The following RORA variants were observed in gnomAD, a reference collection of about 807,000 sequenced individuals.
RORA encodes RAR related orphan receptor A.
Under a neutral mutation model 69.5 loss-of-function variants are expected in RORA, and 7 were observed. The observed-to-expected ratio is 0.10, with a 90% CI of 0.06 to 0.19. The LOEUF (loss-of-function observed/expected upper bound fraction) is 0.19. RORA is among the 10% of genes least tolerant of loss of function. The probability of loss-of-function intolerance (pLI) is 1.00; values close to 1 mark genes in which losing one functional copy is unlikely to be tolerated. For synonymous variants in RORA, 261 were observed against 240.8 expected (o/e 1.08, Z -0.78); for missense variants, 457 against 663.0 (o/e 0.69, Z 3.41).
At chr15:60,751,610 G>C (rs2071724522) in intron 1 of RORA, among the ~76,000 whole-genome samples, 1 of 152,076 alleles carries the variant, frequency 6.6e-6, no homozygotes, top group African/African-American at 2.4e-5. Context: ...GTAGTGCTGG[G>C]GCCCAGATCC....
At chr15:60,888,839 T>C (rs954829684) in intron 1 of RORA, among the ~76,000 whole-genome samples, 3 of 141,400 alleles carry the variant, frequency 2.1e-5, no homozygotes, top group Admixed American at 7.4e-5. Flanking sequence ...GCAGGCCTCC[T>C]GCCCAGAGAG....
At chr15:61,043,578 G>C (rs1209720872) in intron 1 of RORA, among the ~76,000 whole-genome samples, 2 of 152,090 alleles carry the variant, frequency 1.3e-5, no homozygotes, top group Non-Finnish European at 2.9e-5. Context: ...TCAGACATTG[G>C]AGCTAATTCC....
intron 1 of RORA, among the ~76,000 whole-genome samples, chr15:60,940,602 C>A (rs1162949382): frequency 6.6e-6 from 1 of 152,050 alleles, no homozygotes; most frequent in Non-Finnish European, 1.5e-5. Context: ...TAAACAATAA[C>A]CAAAATTCAT....
chr15:61,190,414 T>C (rs2079786487), intron 1 of RORA, among the ~76,000 whole-genome samples: 1 of 152,246 alleles, frequency 6.6e-6, no homozygotes, highest in African/African-American at 2.4e-5. Context: ...CCTTTAAATA[T>C]CAGAAGATGC....
At chr15:61,015,720 A>T (rs897274631) in intron 1 of RORA, among the ~76,000 whole-genome samples, 5 of 152,230 alleles carry the variant, frequency 3.3e-5, no homozygotes, top group Non-Finnish European at 7.3e-5. Context: ...ATCTGTTTTT[A>T]AAAATCAGCT....
At chr15:60,623,351 C>A (rs138785619) in intron 2 of RORA, among the ~76,000 whole-genome samples, 180 of 152,322 alleles carry the variant, frequency 1.2e-3, no homozygotes, top group African/African-American at 4.0e-3. Flanking sequence ...GATTTGGGAT[C>A]TATCAGCAAC....
At chr15:60,936,447 C>A (rs1892525285) in intron 1 of RORA, among the ~76,000 whole-genome samples, 1 of 152,176 alleles carries the variant, frequency 6.6e-6, no homozygotes, top group Non-Finnish European at 1.5e-5. Flanking sequence ...AGAGGGCACC[C>A]TTGCACACCT....
Position 60,663,627 on chromosome 15 carries a change from G to C in RORA, c.196+15030C>G, listed in dbSNP as rs1049529168. ...TACGCCACCATACCCGGCTAATTTT[G>C]TGTTTTTAGTAGAGATGGGGTTTCA... On this transcript the variant is annotated intron_variant, in intron 2 of 10. Transcript: ENST00000335670. 2.6e-5 allele frequency among the ~76,000 whole-genome samples: 4 copies of C among 152,136 alleles called. No homozygotes were observed. The East Asian group carries it at 7.7e-4, about 29-fold the overall frequency.
chr15:60,576,257 G>T (rs1236312255), intron 2 of RORA, among the ~76,000 whole-genome samples: 2 of 152,108 alleles, frequency 1.3e-5, no homozygotes, highest in Non-Finnish European at 2.9e-5. Context: ...ACGTATCCCA[G>T]TGTTCTGAGA....
rs140397753 is a variant in RORA, at chr15:60,900,059, T to G, written c.167-221373A>C. Among the ~76,000 whole-genome samples the G allele has an allele frequency of 2.1e-3, 323 of 152,354 alleles. 2 individuals are homozygous for G. Among genetic ancestry groups the G allele is most frequent in the Non-Finnish European group, 2.0e-3 (135 of 68,028 alleles). ...CTGAATAGACAGCTCCTTTTCTGAGTTGCTTTAATTGCTGTGGGTTAAGCT... is the reference window on the plus strand; with the variant it reads ...CTGAATAGACAGCTCCTTTTCTGAGGTGCTTTAATTGCTGTGGGTTAAGCT... On this transcript the variant is annotated intron_variant, in intron 1 of 10. Coordinates refer to ENST00000335670, the MANE Select transcript of RORA (RefSeq NM_134261.3).
chr15:60,997,645 C>A (rs1425939257), intron 1 of RORA, among the ~76,000 whole-genome samples: 4 of 152,024 alleles, frequency 2.6e-5, no homozygotes, highest in Non-Finnish European at 5.9e-5. Flanking sequence ...TAGAAAGCAC[C>A]CATGTATATC....
chr15:60,633,910 A>G (rs1011902738), intron 2 of RORA, among the ~76,000 whole-genome samples: 4 of 152,216 alleles, frequency 2.6e-5, no homozygotes, highest in African/African-American at 9.6e-5. Context: ...TTGAAACTCA[A>G]TTTCATATGC....
chr15:61,139,119 G>A (rs1331601550), intron 1 of RORA, among the ~76,000 whole-genome samples: 2 of 151,872 alleles, frequency 1.3e-5, no homozygotes, highest in Non-Finnish European at 2.9e-5. Context: ...ACTCCAGCCT[G>A]GGCGACAGAG....
chr15:61,038,192 C>T (rs762420067), intron 1 of RORA, among the ~76,000 whole-genome samples: 2 of 152,132 alleles, frequency 1.3e-5, no homozygotes, highest in African/African-American at 2.4e-5. Flanking sequence ...GGCAAGTTAT[C>T]GAACGTATTA....
chr15:60,884,206 G>GAA (rs2073725642), intron 1 of RORA, among the ~76,000 whole-genome samples: 2 of 151,502 alleles, frequency 1.3e-5, no homozygotes, highest in African/African-American at 4.9e-5. Context: ...GAGAGAAAGA[G>GAA]AGAGAGAGAG....
chr15:60,821,998 A>G lies in RORA; in HGVS notation c.167-143312T>C, dbSNP rs1056740128. Among the ~76,000 whole-genome samples, 11 of 145,032 alleles carry G rather than the reference A, an allele frequency of 7.6e-5. No homozygotes were observed. The East Asian group carries it at 1.9e-3, about 25-fold the overall frequency. On this transcript the variant is annotated intron_variant, in intron 1 of 10. Transcript: ENST00000335670. The stretch of plus-strand genomic sequence containing the variant: ...AAATCTGAATAAAGCAATGAGTAGC[A>G]GTATTCACAGAAGCACGGAATTTTA...
intron 1 of RORA, among the ~76,000 whole-genome samples, chr15:60,924,719 A>C (rs1308003834): frequency 1.3e-5 from 2 of 152,184 alleles, no homozygotes. Context: ...AAATACTGTG[A>C]ACTATAACAA....
intron 1 of RORA, among the ~76,000 whole-genome samples, chr15:60,936,673 C>G (rs981778210): frequency 6.6e-6 from 1 of 152,246 alleles, no homozygotes; most frequent in Non-Finnish European, 1.5e-5. Context: ...TGTGACCATA[C>G]AGTGGCAGCA....
chr15:61,039,198 TAA>T (rs1896611161), intron 1 of RORA: 1 of 152,140 alleles, frequency 6.6e-6, no homozygotes, highest in East Asian at 1.9e-4. Flanking sequence ...ACATTTTCGA[TAA>T]GTTTAGTGCA....
Sources: allele counts gnomAD v4.1 joint callset (sites outside exome capture counted in the v4.1 genomes callset), GRCh38; gene constraint gnomAD v4.1.1; transcripts MANE v1.5; gene names NCBI Gene and HGNC (gene_info 2026-07-23, HGNC 2026-07-21).